PSMG4: variants seen among roughly 807,000 people sequenced by gnomAD.
The protein encoded by PSMG4 is proteasome (prosome, macropain) assembly chaperone 4.
Under a neutral mutation model 11.0 loss-of-function variants are expected in PSMG4, and 10 were observed. That is an observed-to-expected ratio of 0.91 (90% CI 0.56 to 1.54). The LOEUF is 1.54. Ranked by LOEUF, PSMG4 falls within the 40% of genes most tolerant of loss-of-function variation. PSMG4 has a pLI of 0.00. For synonymous variants in PSMG4, 95 were observed against 71.3 expected (o/e 1.33, Z -1.68); for missense variants, 198 against 160.9 (o/e 1.23, Z -1.25).
chr6:3,255,002 T>G (rs1581539730), upstream of PSMG4: 1 of 1,539,446 alleles, frequency 6.5e-7, no homozygotes. Context: ...CCTAGCGCAC[T>G]CCCATGTGGG....
intron 2 of PSMG4, 179 bp downstream of exon 2, chr6:3,263,938 C>T (rs948954232): frequency 1.6e-5 from 23 of 1,398,776 alleles, no homozygotes; most frequent in Admixed American, 5.6e-5. Flanking sequence ...ATTCCATGCT[C>T]GCCTGTCATC....
intron 1 of PSMG4, among the ~76,000 whole-genome samples, 195 bp downstream of exon 1, chr6:3,259,391 G>A (rs1757885030): frequency 2.0e-5 from 3 of 152,172 alleles, no homozygotes; most frequent in Admixed American, 2.0e-4. Context: ...CGCGGGCCCC[G>A]GGCCCCTCTC....
chr6:3,255,044 T>G (rs188863681), upstream of PSMG4: 35 of 1,550,322 alleles, frequency 2.3e-5, no homozygotes, highest in Admixed American at 5.9e-5. Context: ...TCTGATTCTC[T>G]GGACAGGAAC....
chr6:3,261,059 GA>G (rs1232396961), intron 1 of PSMG4, among the ~76,000 whole-genome samples: 1 of 152,152 alleles, frequency 6.6e-6, no homozygotes, highest in East Asian at 1.9e-4. Context: ...CCTGTGGAAT[GA>G]ATGAGTGAGG....
chr6:3,264,120 C>T (rs1220322140), intron 2 of PSMG4: 21 of 1,521,890 alleles, frequency 1.4e-5, no homozygotes, highest in Middle Eastern at 1.7e-4. Flanking sequence ...GGTAGCCTCC[C>T]GGGCCTTAGG....
chr6:3,263,848 C>A, intron 2 of PSMG4, 89 bp downstream of exon 2: 1 of 1,501,150 alleles, frequency 6.7e-7, no homozygotes, highest in Non-Finnish European at 8.9e-7. Context: ...GGAAGTAAAG[C>A]ATCTTTATGC....
upstream of PSMG4, among the ~76,000 whole-genome samples, chr6:3,258,114 C>T (rs567239347): frequency 1.3e-5 from 2 of 152,114 alleles, no homozygotes; most frequent in Admixed American, 1.3e-4. Context: ...TCAAGGCTTC[C>T]TTTTCTCAAC....
At chr6:3,259,872 G>C (rs1367103950) in intron 1 of PSMG4, among the ~76,000 whole-genome samples, 1 of 152,176 alleles carries the variant, frequency 6.6e-6, no homozygotes, top group East Asian at 1.9e-4. Flanking sequence ...TCGCCGCCTG[G>C]TTTCTCCTGG....
chr6:3,259,655 G>A (rs908343424), intron 1 of PSMG4, among the ~76,000 whole-genome samples: 2 of 152,190 alleles, frequency 1.3e-5, no homozygotes, highest in Non-Finnish European at 1.5e-5. Flanking sequence ...GCGCTGTGAT[G>A]GCAGCTCCAT....
At chr6:3,256,002 T>G (rs1271450249), upstream of PSMG4, among the ~76,000 whole-genome samples, 1 of 152,242 alleles carries the variant, frequency 6.6e-6, no homozygotes, top group Non-Finnish European at 1.5e-5. Flanking sequence ...ACAATGGGGA[T>G]TGCTTCTTGG....
upstream of PSMG4, chr6:3,255,161 C>G (rs1022849671): frequency 6.4e-7 from 1 of 1,550,952 alleles, no homozygotes; most frequent in Non-Finnish European, 8.7e-7. Context: ...CAGGGCCATA[C>G]TGACGGCTTA....
chr6:3,255,230 G>GTAAGCCTTCCATGCTGT, upstream of PSMG4: 1 of 1,549,590 alleles, frequency 6.5e-7, no homozygotes, highest in East Asian at 2.4e-5. Flanking sequence ...ATCAACTCTG[G>GTAAGCCTTCCATGCTGT]TAAGCCTTCC....
upstream of PSMG4, chr6:3,255,162 T>G: frequency 1.3e-6 from 2 of 1,550,950 alleles, no homozygotes; most frequent in Non-Finnish European, 1.7e-6. Flanking sequence ...AGGGCCATAC[T>G]GACGGCTTAC....
In PSMG4 at chr6:3,259,149, G is replaced by C. The variant is rs1175960289; in HGVS notation, c.127G>C (p.Ala43Pro). 2 of 1,304,960 alleles carry C rather than the reference G, an allele frequency of 1.5e-6. No homozygotes were observed. Among genetic ancestry groups the C allele is most frequent in the Non-Finnish European group, 9.7e-7 (1 of 1,026,818 alleles). The allele number at this position is 1,304,960 out of a possible 1,614,324, so 80.8% of individuals were successfully genotyped here. A position where few individuals can be genotyped will look rare whatever the true frequency, so the allele number is the denominator to read the frequency against. The stretch of plus-strand genomic sequence containing the variant: ...GGACTCGCTGTTCCTGTGGGTGGGG[G>C]CCACGCCGCACCTGCGCAACCTCGC... ...LTDSLFLWVG[A>P]TPHLRNLAVA... Residue 43 changes from alanine (A) to proline (P), a missense_variant, in exon 1 of 3, where the codon GCC becomes CCC. Ala to Pro is a conservative substitution (Grantham distance 27). Transcript: ENST00000438998.
chr6:3,259,171 T>A lies in PSMG4; in HGVS notation c.149T>A (p.Leu50His). 1 of 1,307,392 alleles carries A rather than the reference T, an allele frequency of 7.6e-7. No individual in the cohort carries two copies. Among genetic ancestry groups the A allele is most frequent in the Non-Finnish European group, 9.7e-7 (1 of 1,028,794 alleles). The allele number at this position is 1,307,392 out of a possible 1,614,324, so 81.0% of individuals were successfully genotyped here. Residue 50 changes from leucine (L) to histidine (H), a missense_variant, in exon 1 of 3, where the codon CTC (leucine) becomes CAC (histidine). Transcript: ENST00000438998. ...WVGATPHLRN[L>H]AVAMCSRYDS... ...GGGGCCACGCCGCACCTGCGCAACC[T>A]CGCCGTGGCCATGTGCAGCCGCTAC... is the stretch of plus-strand genomic sequence containing the variant.
At chr6:3,254,577 A>G (rs141093534), upstream of PSMG4, among the ~76,000 whole-genome samples, 1,300 of 152,162 alleles carry the variant, frequency 8.5e-3, 18 homozygotes, top group African/African-American at 0.03. Context: ...TGAGGCTGGG[A>G]ACCCAACGAT....
upstream of PSMG4, chr6:3,258,918 G>A: frequency 8.8e-7 from 1 of 1,136,164 alleles, no homozygotes; most frequent in Non-Finnish European, 1.1e-6. Flanking sequence ...GGGGCCGAAA[G>A]CGAAAGCGCG....
intron 1 of PSMG4, among the ~76,000 whole-genome samples, chr6:3,262,051 G>A (rs1044482247): frequency 2.6e-5 from 4 of 152,188 alleles, no homozygotes; most frequent in Admixed American, 2.6e-4. Context: ...GCTGACCTTG[G>A]GTTGAGCAGG....
At chr6:3,259,403 T>C (rs1204829825) in intron 1 of PSMG4, among the ~76,000 whole-genome samples, 1 of 152,170 alleles carries the variant, frequency 6.6e-6, no homozygotes, top group Non-Finnish European at 1.5e-5. Context: ...GCCCCTCTCC[T>C]TGTCCCGCCG....
Sources: gnomAD v4.1 joint callset for allele counts (sites outside exome capture counted in the v4.1 genomes callset) on GRCh38, gnomAD v4.1.1 for gene constraint, MANE v1.5 for transcripts, NCBI Gene and HGNC (gene_info 2026-07-23, HGNC 2026-07-21) for gene names.